INSRR: variants seen among roughly 807,000 people sequenced by gnomAD.
INSRR encodes insulin receptor-related protein.
Under a neutral mutation model 130.0 loss-of-function variants are expected in INSRR, and 114 were observed. That is an observed-to-expected ratio of 0.88 (90% CI 0.75 to 1.02). The LOEUF (loss-of-function observed/expected upper bound fraction) is 1.02. Ranked by LOEUF, INSRR falls within the 50% of genes least tolerant of loss-of-function variation. The pLI, the probability that INSRR is intolerant of heterozygous loss-of-function variation, is 0.00. For synonymous variants in INSRR, 674 were observed against 705.2 expected, an observed-to-expected ratio of 0.96 and a Z score of 0.70; for missense variants, 1,657 against 1,735.2, an observed-to-expected ratio of 0.95 and a Z score of 0.80.
At chr1:156,852,563 G>A (rs1356233527) in intron 2 of INSRR, among the ~76,000 whole-genome samples, 1 of 152,242 alleles carries the variant, frequency 6.6e-6, no homozygotes, top group Non-Finnish European at 1.5e-5. Context: ...CTCCTGAGCA[G>A]CTAGGCCCAG....
At chr1:156,847,896 T>A (rs1037827759) in intron 7 of INSRR, among the ~76,000 whole-genome samples, 2 of 152,064 alleles carry the variant, frequency 1.3e-5, no homozygotes. Flanking sequence ...TGTGTATAGT[T>A]GTGCAGATTG....
rs372198382 is a variant in INSRR at position 156,845,934 on chromosome 1, C to T, written c.1978+18G>A. On this transcript the variant is annotated intron_variant, in intron 9 of 21. Coordinates refer to ENST00000368195, the MANE Select transcript of INSRR (RefSeq NM_014215.3). ...CCCCACCCGCCCCGCGGCCGGCCTG[C>T]GCGTCGTCCCTGCGCACCGCGGTGG... is the stretch of plus-strand genomic sequence containing the variant. 302 of 1,607,502 alleles carry T rather than the reference C, an allele frequency of 1.9e-4. No homozygotes were observed. The highest frequency in any genetic ancestry group is 2.4e-4 in the Non-Finnish European group (277 of 1,176,832).
rs951395860 is a variant in INSRR, at chr1:156,853,895, T to C, written c.494A>G (p.Asn165Ser). The change falls in exon 2 of 22, where the codon AAC becomes AGC. Residue 165 changes from asparagine (N) to serine (S), a missense_variant. Physicochemically the swap from Asn to Ser is conservative, Grantham distance 46. Transcript: ENST00000368195. The part of the protein sequence containing the change: ...WGLLQPAPGA[N>S]HIVGNKLGEE... ...GCCCAGCTTGTTGCCCACGATGTGGTTGGCGCCAGGTGCTGGCTGCAGCAG... is the reference window on the plus strand; with the variant it reads ...GCCCAGCTTGTTGCCCACGATGTGGCTGGCGCCAGGTGCTGGCTGCAGCAG... 4 of 1,614,148 alleles carry C rather than the reference T, an allele frequency of 2.5e-6. No homozygotes were observed. The African/African-American group carries it at 5.3e-5, about 22-fold the overall frequency.
At position 156,846,739 on chromosome 1, in the gene INSRR, T is replaced by C; in HGVS notation, c.1590A>G (p.Thr530=). 2 of 1,614,070 alleles carry C rather than the reference T, an allele frequency of 1.2e-6. No homozygotes were observed. Among genetic ancestry groups the C allele is most frequent in the Non-Finnish European group, 8.5e-7 (1 of 1,180,012 alleles). Residue 530 remains threonine (T), a synonymous_variant, in exon 8 of 22, where the codon ACA becomes ACG. Transcript: ENST00000368195. ...YYKESPFQNA[T]EHVGPDACGT... ...CACAAGCATCTGGACCCACGTGCTC[T>C]GTGGCGTTCTGGAATGGGCTGAACA...
In INSRR at chr1:156,842,523, G is replaced by A; in HGVS notation, c.3127-15C>T. On this transcript the variant is annotated splice_polypyrimidine_tract_variant and intron_variant, in intron 17 of 21. Transcript: ENST00000368195. ...AGGAGACGCACCTGGGACAGACAAA[G>A]GGCCTAGCAGACCCCCTAGTTCCCC... 6.2e-7 allele frequency: 1 copy of A among 1,600,338 alleles called. No homozygotes were observed. Among genetic ancestry groups the A allele is most frequent in the Non-Finnish European group, 8.6e-7 (1 of 1,167,582 alleles).
intron 5 of INSRR, among the ~76,000 whole-genome samples, chr1:156,850,300 C>T (rs1045559579): frequency 6.6e-6 from 1 of 152,132 alleles, no homozygotes. Flanking sequence ...TAACCCCTGT[C>T]TCCCAGGTTC....
At chr1:156,852,973 G>A (rs112222089) in intron 2 of INSRR, among the ~76,000 whole-genome samples, 38 of 151,932 alleles carry the variant, frequency 2.5e-4, no homozygotes, top group African/African-American at 7.7e-4. Flanking sequence ...ACCAGGTTGG[G>A]GGACCCCAGA....
At position 156,841,383 on chromosome 1, in the gene INSRR, A is replaced by T. The variant is rs1348771871; in HGVS notation, c.3662+11T>A. ...ATCAACAATGAGGAAGGGGCAGGGGAGGTGACTCACAGCTGAAGGGGACAG... is the reference window on the plus strand; with the variant it reads ...ATCAACAATGAGGAAGGGGCAGGGGTGGTGACTCACAGCTGAAGGGGACAG... On this transcript the variant is annotated intron_variant, in intron 21 of 21. Coordinates refer to ENST00000368195, the MANE Select transcript of INSRR (RefSeq NM_014215.3). The T allele has an allele frequency of 6.2e-7, 1 of 1,612,502 alleles. No homozygotes were observed. Among genetic ancestry groups the T allele is most frequent in the African/African-American group, 1.3e-5 (1 of 74,676 alleles).
intron 18 of INSRR, 28 bp downstream of exon 18, chr1:156,842,370 C>A: frequency 6.2e-7 from 1 of 1,613,128 alleles, no homozygotes; most frequent in Non-Finnish European, 8.5e-7. Context: ...ACCCTTCTTT[C>A]ACTCCCCAGG....
chr1:156,853,615 A>C (rs1571672356), intron 2 of INSRR, 137 bp downstream of exon 2: 1 of 899,332 alleles, frequency 1.1e-6, no homozygotes, highest in Non-Finnish European at 1.7e-6. Flanking sequence ...TAGTTTCCTT[A>C]CCTGCCTCAT....
chr1:156,858,871 C>G lies in INSRR; in HGVS notation c.-250G>C. 1.9e-6 allele frequency: 1 copy of G among 539,496 alleles called. No individual in the cohort carries two copies. Among genetic ancestry groups the G allele is most frequent in the Non-Finnish European group, 3.3e-6 (1 of 299,494 alleles). The allele number at this position is 539,496 out of a possible 1,614,324, so 33.4% of individuals were successfully genotyped here. On this transcript the variant is annotated 5_prime_UTR_variant, in exon 1 of 22. Coordinates refer to ENST00000368195, the MANE Select transcript of INSRR (RefSeq NM_014215.3). ...TCAGCATGAGATTGAGAGATGGGGA[C>G]AGAGATGCAGACAGTGACAGGGAGA...
In INSRR at chr1:156,852,176, T is replaced by C; in HGVS notation, c.653A>G (p.His218Arg). Reference sequence around the variant, plus strand: ...GCCCCTCGCTGTGCAAGCCATCCCATGGGGGCAGGGGCACACTGTGGGGAG... The same window carrying C: ...GCCCCTCGCTGTGCAAGCCATCCCACGGGGGCAGGGGCACACTGTGGGGAG... ...SHCQRVCPCP[H>R]GMACTARGEC... is the part of the protein sequence containing the mutation. The change falls in exon 3 of 22, where the codon CAT (histidine) becomes CGT (arginine). Residue 218 changes from histidine (H) to arginine (R), a missense_variant. His to Arg is a conservative substitution (Grantham distance 29). Transcript: ENST00000368195. 1 of 1,601,540 alleles carries C rather than the reference T, an allele frequency of 6.2e-7. No individual in the cohort carries two copies. The highest frequency in any genetic ancestry group is 8.5e-7 in the Non-Finnish European group (1 of 1,172,548).
intron 5 of INSRR, among the ~76,000 whole-genome samples, chr1:156,850,275 G>C (rs1252599698): frequency 1.3e-5 from 2 of 152,012 alleles, no homozygotes; most frequent in South Asian, 2.1e-4. Flanking sequence ...GTAGTGGCAC[G>C]ATCTCAGCTC....
In INSRR at chr1:156,854,389, C is replaced by A. The variant is rs1321245319; in HGVS notation, c.86-86G>T. The A allele has an allele frequency of 5.5e-5, 74 of 1,334,610 alleles. No individual in the cohort carries two copies. Among genetic ancestry groups the A allele is most frequent in the Non-Finnish European group, 6.8e-5 (67 of 982,642 alleles). 82.7% of individuals were successfully genotyped at this position (1,334,610 alleles called of 1,614,324 possible). On this transcript the variant is annotated intron_variant, in intron 1 of 21. Transcript: ENST00000368195. This position sits in a 1 kb window ranked among gnomAD's most constrained non-coding sequence, Gnocchi z 4.2. The stretch of plus-strand genomic sequence containing the variant: ...CTGGCAGCTTTGGAGGGGAGCCACA[C>A]TGGCAGTAGGACAATGAGTGAGGAG...
intron 8 of INSRR, 40 bp from the exon 9 acceptor site, chr1:156,846,159 T>C (rs1229599143): frequency 2.6e-6 from 4 of 1,534,154 alleles, no homozygotes; most frequent in Admixed American, 2.0e-5. Context: ...GGTGTGGGTC[T>C]TCCTCCTGAA....
In INSRR at chr1:156,840,878, G is replaced by A. The variant is rs765489135; in HGVS notation, c.3889C>T (p.His1297Tyr). Residue 1297 changes from histidine to tyrosine, a missense_variant, in exon 22 of 22, where the codon CAC becomes TAC. Physicochemically the swap from His to Tyr is moderately conservative, Grantham distance 83. Coordinates refer to ENST00000368195, the MANE Select transcript of INSRR (RefSeq NM_014215.3). The stretch of plus-strand genomic sequence containing the variant: ...GCCAGGGAATGAGGTGCCCCTCAGT[G>A]CCCTGGACCCCCATTTTGAGGGCTG... ...DCSPQNGGPG[H>Y] 6.2e-7 allele frequency: 1 copy of A among 1,610,482 alleles called. No homozygotes were observed. The highest frequency in any genetic ancestry group is 1.7e-5 in the Admixed American group (1 of 59,948).
chr1:156,842,508 C>T lies in INSRR; in HGVS notation c.3127G>A (p.Val1043Met), dbSNP rs770726959. ...VMKAFKCHHVVRLLGVVSQGQ... is the reference protein window; with the variant it reads ...VMKAFKCHHVMRLLGVVSQGQ... ...TGAGATACCACACCCAGGAGACGCA[C>T]CTGGGACAGACAAAGGGCCTAGCAG... The change falls in exon 18 of 22, where the codon GTG (valine) becomes ATG (methionine). Residue 1043 changes from valine to methionine, a missense_variant and splice_region_variant. Coordinates refer to ENST00000368195, the MANE Select transcript of INSRR (RefSeq NM_014215.3). The T allele has an allele frequency of 2.4e-5, 39 of 1,613,162 alleles. No individual in the cohort carries two copies. Among genetic ancestry groups the T allele is most frequent in the Non-Finnish European group, 3.1e-5 (37 of 1,179,282 alleles).
Position 156,853,973 on chromosome 1 carries a change from A to G in INSRR, c.416T>C (p.Val139Ala), listed in dbSNP as rs1282988181. The G allele has an allele frequency of 1.6e-5, 26 of 1,613,086 alleles. No homozygotes were observed. The highest frequency in any genetic ancestry group is 2.1e-5 in the Non-Finnish European group (25 of 1,179,344). Residue 139 changes from valine (V) to alanine (A), a missense_variant, in exon 2 of 22, where the codon GTG (valine) becomes GCG (alanine). Transcript: ENST00000368195. ...PALGAVLRGAVRVEKNQELCH... is the reference protein window; with the variant it reads ...PALGAVLRGAARVEKNQELCH... ...GAGCTCCTGGTTCTTCTCCACACGC[A>G]CAGCCCCACGCAGCACGGCCCCAAG...
chr1:156,844,079 C>A (rs976482883), intron 15 of INSRR, 96 bp downstream of exon 15: 1 of 859,500 alleles, frequency 1.2e-6, no homozygotes, highest in Non-Finnish European at 1.9e-6. Context: ...TATGGAAGAC[C>A]TGTCTTTCTA....
Sources: gnomAD v4.1 joint callset for allele counts (sites outside exome capture counted in the v4.1 genomes callset) on GRCh38, gnomAD v4.1.1 for gene constraint, Gnocchi (gnomAD v3.1) non-coding constraint, MANE v1.5 for transcripts, NCBI Gene and HGNC (gene_info 2026-07-23, HGNC 2026-07-21) for gene names.